The following CHST9 variants were observed in gnomAD, a reference collection of about 807,000 sequenced individuals.
CHST9 encodes the protein GalNAc-4-sulfotransferase 2.
In CHST9, 41 loss-of-function variants were observed where a neutral mutation model predicts 44.4. That is an observed-to-expected ratio of 0.92 (90% CI 0.72 to 1.20). The LOEUF is 1.20. Ranked by LOEUF, CHST9 falls within the 50% of genes most tolerant of loss-of-function variation. The pLI is 0.00. For missense variants in CHST9, 504 were observed against 516.5 expected (o/e 0.98, Z 0.23); for synonymous variants, 171 against 178.4 (o/e 0.96, Z 0.33).
At chr18:27,111,904 T>G (rs1365195305) in intron 2 of CHST9, among the ~76,000 whole-genome samples, 2 of 150,812 alleles carry the variant, frequency 1.3e-5, no homozygotes, top group East Asian at 2.0e-4. Context: ...AGACTTGGAC[T>G]GGAATCTACA....
In CHST9 at chr18:26,939,395, CCT is replaced by C. The variant is rs537484540; in HGVS notation, c.240+4932_240+4933del. On this transcript the variant is annotated intron_variant, in intron 5 of 5. Coordinates refer to ENST00000618847, the MANE Select transcript of CHST9 (RefSeq NM_031422.6). ...ATAAGTCTAGGAAGGTGGGGAGAAT[CCT>C]CTCCAAAGGAGTACAAGATCCCAAG... 2.0e-5 allele frequency among the ~76,000 whole-genome samples: 3 copies of C among 152,272 alleles called. No individual in the cohort carries two copies. In the South Asian group the frequency reaches 6.2e-4, roughly 32 times the overall value.
At chr18:27,027,836 TAA>T (rs1268512240) in intron 3 of CHST9, among the ~76,000 whole-genome samples, 1 of 152,202 alleles carries the variant, frequency 6.6e-6, no homozygotes, top group Non-Finnish European at 1.5e-5. Context: ...CTTTTAGATT[TAA>T]GTTTTTCCCC....
chr18:27,104,088 T>C (rs2058198908), intron 2 of CHST9, among the ~76,000 whole-genome samples: 2 of 152,220 alleles, frequency 1.3e-5, no homozygotes, highest in African/African-American at 4.8e-5. Flanking sequence ...TTACCTGCTA[T>C]CTTACCACTA....
intron 4 of CHST9, among the ~76,000 whole-genome samples, chr18:26,995,055 G>A (rs973852873): frequency 6.6e-6 from 1 of 151,924 alleles, no homozygotes; most frequent in Non-Finnish European, 1.5e-5. Context: ...CCCTGCGGAG[G>A]GTCCCATGTG....
At chr18:27,158,222 T>C (rs942027184) in intron 1 of CHST9, among the ~76,000 whole-genome samples, 1 of 152,184 alleles carries the variant, frequency 6.6e-6, no homozygotes, top group African/African-American at 2.4e-5. Context: ...TCATTTAACA[T>C]TAGTTATATC....
Position 26,999,655 on chromosome 18 carries a change from AT to A in CHST9, c.202+24460del, listed in dbSNP as rs2056925974. Among the ~76,000 whole-genome samples the A allele has an allele frequency of 5.9e-5, 9 of 152,286 alleles. No individual in the cohort carries two copies. The South Asian group carries it at 1.9e-3, about 32-fold the overall frequency. On this transcript the variant is annotated intron_variant, in intron 4 of 5. Transcript: ENST00000618847. ...TTGGTGAAAGAAAAAGAATTTCACTATATTATATAATTTTGTATATCCTGAG... is the reference window on the plus strand; with the variant it reads ...TTGGTGAAAGAAAAAGAATTTCACTAATTATATAATTTTGTATATCCTGAG...
At chr18:27,054,239 A>G (rs1340057859) in intron 2 of CHST9, among the ~76,000 whole-genome samples, 3 of 152,218 alleles carry the variant, frequency 2.0e-5, no homozygotes, top group Non-Finnish European at 2.9e-5. Flanking sequence ...GACAACCAAG[A>G]AAACTATTAT....
chr18:26,951,681 C>A lies in CHST9; in HGVS notation c.203-7315G>T, dbSNP rs549810796. On this transcript the variant is annotated intron_variant, in intron 4 of 5. Transcript: ENST00000618847. ...ACATAAAAAGTTACAATTAAATCAA[C>A]ATAAATCTTTTGTTTTAATAAATAA... 1.1e-3 allele frequency among the ~76,000 whole-genome samples: 168 copies of A among 152,250 alleles called. 1 individual carries two copies. The highest frequency in any genetic ancestry group is 4.0e-3 in the African/African-American group (166 of 41,530).
intron 3 of CHST9, among the ~76,000 whole-genome samples, chr18:27,045,440 G>A (rs1161412214): frequency 6.6e-6 from 1 of 152,030 alleles, no homozygotes; most frequent in East Asian, 1.9e-4. Context: ...TGAGATAAAG[G>A]TACTTCAAAC....
At chr18:27,083,933 G>A (rs1435131317) in intron 2 of CHST9, among the ~76,000 whole-genome samples, 1 of 152,064 alleles carries the variant, frequency 6.6e-6, no homozygotes, top group African/African-American at 2.4e-5. Flanking sequence ...TTTGTGTGAT[G>A]AATCATATTT....
At chr18:26,923,124 A>T (rs2055693770) in intron 5 of CHST9, among the ~76,000 whole-genome samples, 2 of 152,222 alleles carry the variant, frequency 1.3e-5, no homozygotes, top group South Asian at 4.1e-4. Flanking sequence ...GACTTTATTC[A>T]TATACAGTTG....
chr18:26,957,103 C>T (rs1229650314), intron 4 of CHST9, among the ~76,000 whole-genome samples: 1 of 152,088 alleles, frequency 6.6e-6, no homozygotes, highest in Non-Finnish European at 1.5e-5. Flanking sequence ...ATTTATCGAG[C>T]GATGCCTTGA....
intron 2 of CHST9, among the ~76,000 whole-genome samples, chr18:27,068,439 C>A (rs146835415): frequency 1.4e-3 from 214 of 152,180 alleles, no homozygotes; most frequent in East Asian, 0.011. Flanking sequence ...GTGTGCTGAT[C>A]TCCCTTCAAA....
intron 2 of CHST9, among the ~76,000 whole-genome samples, chr18:27,091,507 C>A (rs1598716981): frequency 1.3e-5 from 2 of 152,158 alleles, no homozygotes; most frequent in African/African-American, 4.8e-5. Context: ...TGAGAGAGGG[C>A]ATCTTTGCCT....
At chr18:26,994,903 C>A (rs917406961) in intron 4 of CHST9, among the ~76,000 whole-genome samples, 4 of 151,728 alleles carry the variant, frequency 2.6e-5, no homozygotes, top group Non-Finnish European at 5.9e-5. Context: ...TTTATTGATT[C>A]TTTCCTAACA....
intron 5 of CHST9, among the ~76,000 whole-genome samples, chr18:26,927,236 G>C (rs2055784834): frequency 6.6e-6 from 1 of 152,102 alleles, no homozygotes; most frequent in Non-Finnish European, 1.5e-5. Flanking sequence ...TTATGTGTGT[G>C]TGTTATGGCC....
Position 27,153,071 on chromosome 18 carries a change from C to A in CHST9, c.-96-10166G>T, listed in dbSNP as rs368661584. On this transcript the variant is annotated intron_variant, in intron 1 of 5. Transcript: ENST00000618847. ...AAGCAGGAAGTGGAATTAAAGAATACCGAAGTGGGTGCTGTGTTGCTGCTC... is the reference window on the plus strand; with the variant it reads ...AAGCAGGAAGTGGAATTAAAGAATAACGAAGTGGGTGCTGTGTTGCTGCTC... Among the ~76,000 whole-genome samples, 13 of 152,218 alleles carry A rather than the reference C, an allele frequency of 8.5e-5. 1 individual carries two copies. Among genetic ancestry groups the A allele is most frequent in the African/African-American group, 3.1e-4 (13 of 41,524 alleles).
At chr18:26,969,569 ACAG>A (rs1228133648) in intron 4 of CHST9, among the ~76,000 whole-genome samples, 1 of 152,194 alleles carries the variant, frequency 6.6e-6, no homozygotes, top group Non-Finnish European at 1.5e-5. Flanking sequence ...CTCTGCGCAC[ACAG>A]CAATGAATAA....
Position 26,952,504 on chromosome 18 carries a change from C to T in CHST9, c.203-8138G>A, listed in dbSNP as rs1440607459. 1.3e-5 allele frequency: 6 copies of T among 459,276 alleles called. No individual in the cohort carries two copies. In the East Asian group the frequency reaches 2.8e-4, roughly 22 times the overall value. The allele number at this position is 459,276 out of a possible 1,614,324, so 28.5% of individuals were successfully genotyped here. A position where few individuals can be genotyped will look rare whatever the true frequency, so the allele number is the denominator to read the frequency against. On this transcript the variant is annotated intron_variant, in intron 4 of 5. Coordinates refer to ENST00000618847, the MANE Select transcript of CHST9 (RefSeq NM_031422.6). Reference sequence around the variant, plus strand: ...GACAATTGGTATAAACCCTGGAGGACCAGTCCATCCAGCAGCACTTGGTAC... The same window carrying T: ...GACAATTGGTATAAACCCTGGAGGATCAGTCCATCCAGCAGCACTTGGTAC...
Sources: allele counts gnomAD v4.1 joint callset (sites outside exome capture counted in the v4.1 genomes callset), GRCh38; gene constraint gnomAD v4.1.1; transcripts MANE v1.5; gene names NCBI Gene and HGNC (gene_info 2026-07-23, HGNC 2026-07-21).